Variants in RBM20 observed in about 807,000 individuals in gnomAD.
RBM20 encodes the protein RNA binding motif protein 20.
Under a neutral mutation model 110.1 loss-of-function variants are expected in RBM20, and 51 were observed. The observed-to-expected ratio is 0.46, with a 90% CI of 0.37 to 0.59. The LOEUF is 0.59. RBM20 is among the 20% of genes least tolerant of loss of function. RBM20 has a pLI of 0.00. For synonymous variants in RBM20, 589 were observed against 618.2 expected (o/e 0.95, Z 0.70); for missense variants, 1,512 against 1,574.9 (o/e 0.96, Z 0.68).
In RBM20 at chr10:110,810,365, T is replaced by G; in HGVS notation, c.1801-18T>G. 2 of 1,545,282 alleles carry G rather than the reference T, an allele frequency of 1.3e-6. No homozygotes were observed. Among genetic ancestry groups the G allele is most frequent in the Non-Finnish European group, 1.8e-6 (2 of 1,141,254 alleles). On this transcript the variant is annotated intron_variant, in intron 7 of 13. Coordinates refer to ENST00000369519, the MANE Select transcript of RBM20 (RefSeq NM_001134363.3). ...AAGGCCATCTCTGATCTGATGGTGA[T>G]CTCTCTGACTTTGCTAGAAACCCGG... is the stretch of plus-strand genomic sequence containing the variant.
At chr10:110,823,369 C>A in intron 11 of RBM20, 111 bp from the exon 12 acceptor site, 1 of 1,349,134 alleles carries the variant, frequency 7.4e-7, no homozygotes, top group South Asian at 1.5e-5. Flanking sequence ...GTCCAAGGAA[C>A]AATTCCCAAT....
chr10:110,652,156 A>G (rs1305341610), intron 1 of RBM20, among the ~76,000 whole-genome samples: 1 of 152,218 alleles, frequency 6.6e-6, no homozygotes, highest in Non-Finnish European at 1.5e-5. Context: ...TGATGCTGCT[A>G]TTTTGCATTG....
intron 2 of RBM20, among the ~76,000 whole-genome samples, chr10:110,782,208 G>T: frequency 6.6e-6 from 1 of 152,234 alleles, no homozygotes; most frequent in Non-Finnish European, 1.5e-5. Context: ...TTCTCGTGGA[G>T]GGCTTCTCCC....
chr10:110,791,728 A>C (rs554022544), intron 5 of RBM20, among the ~76,000 whole-genome samples: 2 of 152,308 alleles, frequency 1.3e-5, no homozygotes, highest in East Asian at 3.9e-4. Context: ...CAGGCCCCCG[A>C]TCCCATGTGG....
chr10:110,699,756 CTA>C (rs1862730065), intron 1 of RBM20, among the ~76,000 whole-genome samples: 1 of 151,444 alleles, frequency 6.6e-6, no homozygotes. Flanking sequence ...TATATATATA[CTA>C]TGTTTTTTTC....
At position 110,836,137 on chromosome 10, in the gene RBM20, T is replaced by A. The variant is rs1231617847; in HGVS notation, c.*159T>A. The A allele has an allele frequency of 7.9e-6, 4 of 508,384 alleles. No homozygotes were observed. Among genetic ancestry groups the A allele is most frequent in the Non-Finnish European group, 1.4e-5 (4 of 287,872 alleles). 31.5% of individuals were successfully genotyped at this position (508,384 alleles called of 1,614,324 possible). ...GCTTGTTCCCAGAGACTCAGTGAAATGCCCCTGATATGTCTCCAGGAGCAA... is the reference window on the plus strand; with the variant it reads ...GCTTGTTCCCAGAGACTCAGTGAAAAGCCCCTGATATGTCTCCAGGAGCAA... On this transcript the variant is annotated 3_prime_UTR_variant, in exon 14 of 14. Transcript: ENST00000369519.
chr10:110,810,817 G>A (rs10885050), intron 8 of RBM20, among the ~76,000 whole-genome samples: 64,258 of 151,180 alleles, frequency 0.43, 14,131 homozygotes, highest in Admixed American at 0.51. Flanking sequence ...GTGTGTGTGC[G>A]TGTGTGCGTG....
In RBM20 at chr10:110,784,842, T is replaced by G; in HGVS notation, c.1480T>G (p.Phe494Val). ...ATACGTGCCCATTCCAGCAAGGTCA[T>G]TCACTCAGTCAAGCCCCACATTTCC... ...TSYVPIPARS[F>V]TQSSPTFPLA... Residue 494 changes from phenylalanine to valine, a missense_variant, in exon 5 of 14, where the codon TTC becomes GTC. Physicochemically the swap from Phe to Val is conservative, Grantham distance 50. This residue lies in a region of RBM20 where 1,149 missense variants were observed against 1,169.4 expected (regional missense o/e 0.98). Coordinates refer to ENST00000369519, the MANE Select transcript of RBM20 (RefSeq NM_001134363.3). The G allele has an allele frequency of 6.4e-7, 1 of 1,551,312 alleles. No individual in the cohort carries two copies. Among genetic ancestry groups the G allele is most frequent in the Non-Finnish European group, 8.7e-7 (1 of 1,146,592 alleles).
chr10:110,726,814 G>T (rs1590638991), intron 1 of RBM20, among the ~76,000 whole-genome samples: 1 of 152,152 alleles, frequency 6.6e-6, no homozygotes, highest in African/African-American at 2.4e-5. Flanking sequence ...GAGGGCAGGG[G>T]CCCACAGGGA....
At chr10:110,649,013 C>T (rs1369760539) in intron 1 of RBM20, among the ~76,000 whole-genome samples, 1 of 152,042 alleles carries the variant, frequency 6.6e-6, no homozygotes, top group African/African-American at 2.4e-5. Flanking sequence ...ATTTGATCAC[C>T]CTTTTTATTT....
intron 1 of RBM20, among the ~76,000 whole-genome samples, chr10:110,763,085 C>T (rs1844028772): frequency 6.6e-6 from 1 of 152,110 alleles, no homozygotes; most frequent in Non-Finnish European, 1.5e-5. Context: ...TGGGCTGTGA[C>T]TAAATTAGGA....
intron 7 of RBM20, among the ~76,000 whole-genome samples, chr10:110,807,805 C>A (rs1180855747): frequency 6.6e-6 from 1 of 152,234 alleles, no homozygotes; most frequent in African/African-American, 2.4e-5. Context: ...CCATCCAACT[C>A]CCATGGGGAA....
rs1030751538 is a variant in RBM20, at chr10:110,799,841, C to G, written c.1723C>G (p.Gln575Glu). The G allele has an allele frequency of 6.4e-6, 10 of 1,551,804 alleles. No homozygotes were observed. The highest frequency in any genetic ancestry group is 8.7e-6 in the Non-Finnish European group (10 of 1,146,882). The change falls in exon 7 of 14, where the codon CAA becomes GAA. Residue 575 changes from glutamine (Q) to glutamate (E), a missense_variant. Gln to Glu is a conservative substitution (Grantham distance 29). Coordinates refer to ENST00000369519, the MANE Select transcript of RBM20 (RefSeq NM_001134363.3). ...EAAQAMVQYY[Q>E]EKSAVINGEK... ...TGCACAGGCCATGGTCCAGTATTAT[C>G]AAGAAAAATCTGCTGTGATCAATGG...
At chr10:110,767,091 A>C (rs1174522838) in intron 1 of RBM20, among the ~76,000 whole-genome samples, 24 of 74,002 alleles carry the variant, frequency 3.2e-4, no homozygotes, top group South Asian at 4.8e-4. Context: ...TGACCCCCCC[A>C]CCTCCCTCCC....
chr10:110,812,815 G>A lies in RBM20; in HGVS notation c.2418G>A (p.Gly806=). The A allele has an allele frequency of 6.5e-7, 1 of 1,549,850 alleles. No homozygotes were observed. The highest frequency in any genetic ancestry group is 1.4e-5 in the African/African-American group (1 of 73,038). Residue 806 remains glycine (G), a synonymous_variant, in exon 9 of 14, where the codon GGG becomes GGA. Coordinates refer to ENST00000369519, the MANE Select transcript of RBM20 (RefSeq NM_001134363.3). ...PHPDDSGKED[G]LGPKVTRAPE... Reference sequence around the variant, plus strand: ...CGGATGACTCAGGCAAGGAAGATGGGCTGGGGCCAAAGGTCACTAGGGCCC... The same window carrying A: ...CGGATGACTCAGGCAAGGAAGATGGACTGGGGCCAAAGGTCACTAGGGCCC...
intron 1 of RBM20, chr10:110,756,425 G>A (rs1227033996): frequency 1.3e-5 from 2 of 152,264 alleles, no homozygotes; most frequent in Non-Finnish European, 2.9e-5. Context: ...ACCTAAGAGA[G>A]AAGCTGAGAT....
intron 1 of RBM20, among the ~76,000 whole-genome samples, chr10:110,664,550 C>A (rs1862150110): frequency 6.6e-6 from 1 of 152,002 alleles, no homozygotes; most frequent in African/African-American, 2.4e-5. Flanking sequence ...AGTTTGAGAC[C>A]AGCCTGACCA....
chr10:110,650,462 G>A (rs1196920741), intron 1 of RBM20, among the ~76,000 whole-genome samples: 1 of 152,178 alleles, frequency 6.6e-6, no homozygotes, highest in East Asian at 1.9e-4. Flanking sequence ...AGCTCAGTTG[G>A]ACAAATCAAT....
At chr10:110,756,093 A>G (rs1243788162) in intron 1 of RBM20, among the ~76,000 whole-genome samples, 1 of 152,182 alleles carries the variant, frequency 6.6e-6, no homozygotes, top group Non-Finnish European at 1.5e-5. Context: ...TTCAGTGGAT[A>G]AATTTGGGCC....
Sources: allele counts gnomAD v4.1 joint callset (sites outside exome capture counted in the v4.1 genomes callset), GRCh38; gene constraint gnomAD v4.1.1; regional missense constraint gnomAD v4.1.1; transcripts MANE v1.5; gene names NCBI Gene and HGNC (gene_info 2026-07-23, HGNC 2026-07-21).